The following HSF5 variants were observed in gnomAD, a reference collection of about 807,000 sequenced individuals.
HSF5 encodes heat shock transcription factor 5, also known as heat shock factor protein 5.
A neutral mutation model predicts 50.8 loss-of-function variants in HSF5; 5 were observed. The observed-to-expected ratio is 0.10, with a 90% CI of 0.05 to 0.21. HSF5 has a LOEUF of 0.21. Ranked by LOEUF, HSF5 falls within the 10% of genes least tolerant of loss-of-function variation. HSF5 has a pLI of 1.00. For synonymous variants in HSF5, 307 were observed against 307.4 expected (o/e 1.00, Z 0.02); for missense variants, 564 against 762.6 (o/e 0.74, Z 3.07).
At chr17:58,443,143 G>A (rs1163067320) in intron 5 of HSF5, among the ~76,000 whole-genome samples, 2 of 151,980 alleles carry the variant, frequency 1.3e-5, no homozygotes, top group African/African-American at 2.4e-5. Flanking sequence ...TCCTGACCTC[G>A]TGATCTGCCT....
chr17:58,421,263 A>C lies in HSF5; in HGVS notation c.*1097T>G, dbSNP rs1974227038. On this transcript the variant is annotated 3_prime_UTR_variant, in exon 6 of 6. Coordinates refer to ENST00000323777, the MANE Select transcript of HSF5 (RefSeq NM_001080439.3). The stretch of plus-strand genomic sequence containing the variant: ...AATGTTACCATCTATCCCATTATCC[A>C]AAATTCTCTCAGAAGCTTAAACCAG... The C allele has an allele frequency of 6.6e-6, 1 of 152,666 alleles. No individual in the cohort carries two copies. The highest frequency in any genetic ancestry group is 1.5e-5 in the Non-Finnish European group (1 of 68,046). The allele number at this position is 152,666 out of a possible 1,614,324, so 9.5% of individuals were successfully genotyped here.
chr17:58,439,374 T>C (rs374514882), intron 5 of HSF5, among the ~76,000 whole-genome samples: 1 of 150,982 alleles, frequency 6.6e-6, no homozygotes, highest in East Asian at 1.9e-4. Context: ...AGCCCTTCCA[T>C]TTAGTATCCT....
chr17:58,487,795 G>A lies in HSF5; in HGVS notation c.480C>T (p.Ala160=). ...GCTGCAGTGGCGCGGTGGCGGCGGAGGCCGAGGTGATGAGCAGCCGCTGGA... is the reference window on the plus strand; with the variant it reads ...GCTGCAGTGGCGCGGTGGCGGCGGAAGCCGAGGTGATGAGCAGCCGCTGGA... The part of the protein sequence containing the change: ...NRFQRLLITS[A]SAATAPLQHQ... The change falls in exon 1 of 6, where the codon GCC becomes GCT. Residue 160 remains alanine, a synonymous_variant. Transcript: ENST00000323777. The A allele has an allele frequency of 6.5e-7, 1 of 1,530,800 alleles. No homozygotes were observed. Among genetic ancestry groups the A allele is most frequent in the Non-Finnish European group, 8.7e-7 (1 of 1,148,424 alleles). 94.8% of individuals were successfully genotyped at this position (1,530,800 alleles called of 1,614,324 possible).
rs1395593559 is a variant in HSF5, at chr17:58,433,453, AC to A, written c.1721-11024del. ...GAGACTTAAGATACAGATTTCGGAG[AC>A]ACCACTACAAAGGTGATAATAAAAG... On this transcript the variant is annotated intron_variant, in intron 5 of 5. Coordinates refer to ENST00000323777, the MANE Select transcript of HSF5 (RefSeq NM_001080439.3). Among the ~76,000 whole-genome samples, 3 of 152,220 alleles carry A rather than the reference AC, an allele frequency of 2.0e-5. No homozygotes were observed. In the South Asian group the frequency reaches 6.2e-4, roughly 31 times the overall value.
intron 2 of HSF5, among the ~76,000 whole-genome samples, chr17:58,471,502 CT>C (rs1974942455): frequency 6.6e-6 from 1 of 152,120 alleles, no homozygotes; most frequent in Admixed American, 6.5e-5. Flanking sequence ...TAATCAGTAA[CT>C]TTTTTTGCCC....
At chr17:58,432,023 G>A (rs1196473537) in intron 5 of HSF5, among the ~76,000 whole-genome samples, 1 of 152,182 alleles carries the variant, frequency 6.6e-6, no homozygotes, top group Non-Finnish European at 1.5e-5. Context: ...GGTGATGGTA[G>A]CAGTGGCATT....
At chr17:58,469,773 G>A (rs1974920740) in intron 2 of HSF5, among the ~76,000 whole-genome samples, 1 of 152,110 alleles carries the variant, frequency 6.6e-6, no homozygotes, top group Non-Finnish European at 1.5e-5. Flanking sequence ...GTGTTCAGTT[G>A]AGGCATTAAA....
At chr17:58,442,227 G>T (rs1056600910) in intron 5 of HSF5, among the ~76,000 whole-genome samples, 1 of 152,204 alleles carries the variant, frequency 6.6e-6, no homozygotes. Context: ...GCTTAGGTGG[G>T]TACATGGTCA....
At chr17:58,453,357 G>A (rs1567911016) in intron 5 of HSF5, among the ~76,000 whole-genome samples, 1 of 152,310 alleles carries the variant, frequency 6.6e-6, no homozygotes, top group African/African-American at 2.4e-5. Context: ...ACTTTGGGGG[G>A]CTAAGGCAGG....
chr17:58,448,137 A>C (rs1393061191), intron 5 of HSF5, among the ~76,000 whole-genome samples: 1 of 147,628 alleles, frequency 6.8e-6, no homozygotes, highest in East Asian at 1.9e-4. Flanking sequence ...CTGTCTCAAA[A>C]AAAAAAAAAA....
intron 5 of HSF5, among the ~76,000 whole-genome samples, chr17:58,434,899 G>C (rs1247251614): frequency 6.6e-6 from 1 of 152,202 alleles, no homozygotes. Context: ...TGAAGAGTAA[G>C]GGGGATAGCA....
intron 5 of HSF5, among the ~76,000 whole-genome samples, chr17:58,443,350 CAG>C (rs1974521742): frequency 6.6e-6 from 1 of 152,140 alleles, no homozygotes. Flanking sequence ...ACTGCTGAAA[CAG>C]AGATTTCTAA....
intron 1 of HSF5, among the ~76,000 whole-genome samples, chr17:58,486,191 T>C (rs2333333): frequency 0.85 from 129,120 of 152,172 alleles, 55,142 homozygotes; most frequent in East Asian, 1. Context: ...TGGTGAAACC[T>C]CGTCTCTACT....
At chr17:58,481,161 A>G (rs958187577) in intron 1 of HSF5, among the ~76,000 whole-genome samples, 2 of 152,116 alleles carry the variant, frequency 1.3e-5, no homozygotes, top group East Asian at 1.9e-4. Context: ...TTCCTCCTTC[A>G]TCCCTTAAAT....
At chr17:58,442,911 C>T (rs1480309649) in intron 5 of HSF5, among the ~76,000 whole-genome samples, 3 of 140,434 alleles carry the variant, frequency 2.1e-5, no homozygotes, top group Admixed American at 1.4e-4. Context: ...CTAATTTTTG[C>T]ATTTTTTTTT....
At chr17:58,456,141 ATATATATATATGTGTGTGTG>A (rs1275450575) in intron 5 of HSF5, among the ~76,000 whole-genome samples, 2 of 136,662 alleles carry the variant, frequency 1.5e-5, no homozygotes, top group East Asian at 4.2e-4. Flanking sequence ...GTGTGTGTGT[ATATATATATATGTGTGTGTG>A]TATATACACA....
chr17:58,434,599 T>C (rs1195705964), intron 5 of HSF5, among the ~76,000 whole-genome samples: 2 of 151,140 alleles, frequency 1.3e-5, no homozygotes, highest in African/African-American at 4.9e-5. Context: ...CTCACTCTTA[T>C]AATCCCAGCA....
chr17:58,487,528 G>A (rs1598206267), intron 1 of HSF5, among the ~76,000 whole-genome samples, 197 bp downstream of exon 1: 3 of 152,350 alleles, frequency 2.0e-5, no homozygotes, highest in Non-Finnish European at 4.4e-5. Context: ...GAGGGCCGGT[G>A]GCCACCGTGC....
In HSF5 at chr17:58,488,323, C is replaced by T. The variant is rs766187342; in HGVS notation, c.-49G>A. ...CCCCCCGAGCCTAGCTCTCCCACAC[C>T]GTTCTCGATCCCTCCCCGGCCTTCG... On this transcript the variant is annotated 5_prime_UTR_variant, in exon 1 of 6. Coordinates refer to ENST00000323777, the MANE Select transcript of HSF5 (RefSeq NM_001080439.3). This position sits in a 1 kb window ranked among gnomAD's most constrained non-coding sequence, Gnocchi z 4.1. 5.7e-6 allele frequency: 8 copies of T among 1,406,598 alleles called. No individual in the cohort carries two copies. In the South Asian group the frequency reaches 9.4e-5, roughly 16 times the overall value. 87.1% of individuals were successfully genotyped at this position (1,406,598 alleles called of 1,614,324 possible).
Sources: allele counts gnomAD v4.1 joint callset (sites outside exome capture counted in the v4.1 genomes callset), GRCh38; gene constraint gnomAD v4.1.1; non-coding constraint Gnocchi (gnomAD v3.1); transcripts MANE v1.5; gene names NCBI Gene and HGNC (gene_info 2026-07-23, HGNC 2026-07-21).